The following MCL1 variants were observed in gnomAD, a reference collection of about 807,000 sequenced individuals.
MCL1 encodes MCL1 apoptosis regulator, BCL2 family member.
In MCL1, 4 loss-of-function variants were observed where a neutral mutation model predicts 24.2. The ratio of observed to expected loss-of-function variants is 0.17; its 90% CI spans 0.08 to 0.38. MCL1 has a LOEUF of 0.38. Ranked by LOEUF, MCL1 falls within the 10% of genes least tolerant of loss-of-function variation. MCL1 has a pLI of 1.00. For synonymous variants in MCL1, 248 were observed against 214.0 expected, an observed-to-expected ratio of 1.16 and a Z score of -1.39; for missense variants, 529 against 480.3, an observed-to-expected ratio of 1.10 and a Z score of -0.95.
rs1647919549 is a variant in MCL1 at position 150,578,599 on chromosome 1, C to CT, written c.689-109_689-108insA. Reference sequence around the variant, plus strand: ...AATCGCTACTGGGATTTACAGAACTCAGGTTGACCCCACTTGAAATTGACA... The same window carrying CT: ...AATCGCTACTGGGATTTACAGAACTCTAGGTTGACCCCACTTGAAATTGACA... On this transcript the variant is annotated intron_variant, in intron 1 of 2. Transcript: ENST00000369026. The CT allele has an allele frequency of 8.7e-6, 12 of 1,371,450 alleles. No individual in the cohort carries two copies. In the South Asian group the frequency reaches 1.3e-4, roughly 15 times the overall value. The allele number at this position is 1,371,450 out of a possible 1,614,324, so 85.0% of individuals were successfully genotyped here. A position where few individuals can be genotyped will look rare whatever the true frequency, so the allele number is the denominator to read the frequency against.
Position 150,579,336 on chromosome 1 carries a change from G to T in MCL1, c.195C>A (p.Pro65=). ...GGGAGTCTGGCGTGAGGGTGGACGG[G>T]GGGCTTGCGCCGGCGCTTCCGCCAA... The part of the protein sequence containing the change: ...AVIGGSAGAS[P]PSTLTPDSRR... The change falls in exon 1 of 3, where the codon CCC becomes CCA. Residue 65 remains proline (P), a synonymous_variant. Transcript: ENST00000369026. The T allele has an allele frequency of 1.4e-6, 2 of 1,472,148 alleles. No individual in the cohort carries two copies. The highest frequency in any genetic ancestry group is 1.9e-4 in the Middle Eastern group (1 of 5,130). 91.2% of individuals were successfully genotyped at this position (1,472,148 alleles called of 1,614,324 possible).
At chr1:150,578,592 C>CA in intron 1 of MCL1, 101 bp from the exon 2 acceptor site, 1 of 1,458,238 alleles carries the variant, frequency 6.9e-7, no homozygotes, top group Non-Finnish European at 9.4e-7. Context: ...CTGGGATTTA[C>CA]AGAACTCAGG....
chr1:150,577,231 G>C lies in MCL1; in HGVS notation c.*144C>G. 2.0e-6 allele frequency: 2 copies of C among 991,732 alleles called. No individual in the cohort carries two copies. Among genetic ancestry groups the C allele is most frequent in the Non-Finnish European group, 3.0e-6 (2 of 672,948 alleles). The allele number at this position is 991,732 out of a possible 1,614,324, so 61.4% of individuals were successfully genotyped here. A position where few individuals can be genotyped will look rare whatever the true frequency, so the allele number is the denominator to read the frequency against. On this transcript the variant is annotated 3_prime_UTR_variant, in exon 3 of 3. Coordinates refer to ENST00000369026, the MANE Select transcript of MCL1 (RefSeq NM_021960.5). ...TCTTCCCATGTATTTATTCTTGTTA[G>C]CCATAATCCTCTTGCCACTTGCTTT...
rs1257160042 is a variant in MCL1 at position 150,576,225 on chromosome 1, A to G, written c.*1150T>C. Reference sequence around the variant, plus strand: ...AGATGAGCCCATGAATTCACTTTAAATTTCACCAGTTAAATTAGGTCAAAT... The same window carrying G: ...AGATGAGCCCATGAATTCACTTTAAGTTTCACCAGTTAAATTAGGTCAAAT... On this transcript the variant is annotated 3_prime_UTR_variant, in exon 3 of 3. Transcript: ENST00000369026. The G allele has an allele frequency of 4.3e-6, 1 of 233,060 alleles. No homozygotes were observed. Among genetic ancestry groups the G allele is most frequent in the African/African-American group, 2.2e-5 (1 of 45,334 alleles). The allele number at this position is 233,060 out of a possible 1,614,324, so 14.4% of individuals were successfully genotyped here.
intron 1 of MCL1, 49 bp downstream of exon 1, chr1:150,578,794 G>A (rs776281131): frequency 3.2e-6 from 5 of 1,564,466 alleles, no homozygotes; most frequent in South Asian, 2.4e-5. Context: ...AGTCCGGGGA[G>A]AGATGGAAAA....
Position 150,575,097 on chromosome 1 carries a change from T to A in MCL1, c.*2278A>T, listed in dbSNP as rs1647733997. On this transcript the variant is annotated 3_prime_UTR_variant, in exon 3 of 3. Transcript: ENST00000369026. Reference sequence around the variant, plus strand: ...TTCCACTGGATTTGGCAGACAGGCTTTTTTAGTTACCGTAACCAGATCTTA... The same window carrying A: ...TTCCACTGGATTTGGCAGACAGGCTATTTTAGTTACCGTAACCAGATCTTA... 4.3e-6 allele frequency: 1 copy of A among 233,362 alleles called. No homozygotes were observed. The highest frequency in any genetic ancestry group is 2.2e-5 in the African/African-American group (1 of 45,318). The allele number at this position is 233,362 out of a possible 1,614,324, so 14.5% of individuals were successfully genotyped here. A position where few individuals can be genotyped will look rare whatever the true frequency, so the allele number is the denominator to read the frequency against.
chr1:150,574,682 C>T lies in MCL1; in HGVS notation c.*2693G>A. ...CTTCCTGGCACAGCTATCAAAAGTA[C>T]AGCTGTTTAACCAGAACCAAGGTGT... On this transcript the variant is annotated 3_prime_UTR_variant, in exon 3 of 3. Coordinates refer to ENST00000369026, the MANE Select transcript of MCL1 (RefSeq NM_021960.5). 1 of 233,146 alleles carries T rather than the reference C, an allele frequency of 4.3e-6. No individual in the cohort carries two copies. The highest frequency in any genetic ancestry group is 6.1e-5 in the East Asian group (1 of 16,516). 14.4% of individuals were successfully genotyped at this position (233,146 alleles called of 1,614,324 possible).
chr1:150,575,459 A>G lies in MCL1; in HGVS notation c.*1916T>C, dbSNP rs924604969. ...CAGCTCACCTCTTTCTGTAAATTTAAGTGAGCATACTCCTATACAAAGGAA... is the reference window on the plus strand; with the variant it reads ...CAGCTCACCTCTTTCTGTAAATTTAGGTGAGCATACTCCTATACAAAGGAA... On this transcript the variant is annotated 3_prime_UTR_variant, in exon 3 of 3. Coordinates refer to ENST00000369026, the MANE Select transcript of MCL1 (RefSeq NM_021960.5). The G allele has an allele frequency of 4.3e-6, 1 of 232,980 alleles. No homozygotes were observed. The highest frequency in any genetic ancestry group is 6.0e-5 in the East Asian group (1 of 16,532). 14.4% of individuals were successfully genotyped at this position (232,980 alleles called of 1,614,324 possible). A position where few individuals can be genotyped will look rare whatever the true frequency, so the allele number is the denominator to read the frequency against.
chr1:150,576,638 C>A lies in MCL1; in HGVS notation c.*737G>T, dbSNP rs910927699. The A allele has an allele frequency of 4.3e-6, 1 of 232,284 alleles. No individual in the cohort carries two copies. Among genetic ancestry groups the A allele is most frequent in the Non-Finnish European group, 8.5e-6 (1 of 117,292 alleles). 14.4% of individuals were successfully genotyped at this position (232,284 alleles called of 1,614,324 possible). A position where few individuals can be genotyped will look rare whatever the true frequency, so the allele number is the denominator to read the frequency against. On this transcript the variant is annotated 3_prime_UTR_variant, in exon 3 of 3. Transcript: ENST00000369026. ...GAAAAAAACTAATGTAAATTCGATA[C>A]TTCCTTCGTTTCAAAGAAATAGACT...
rs751406920 is a variant in MCL1 at position 150,579,135 on chromosome 1, C to T, written c.396G>A (p.Glu132=). ...GGACAGCCGGCCGCTTCCCGAGAGGCTCCGGCTCGTACCCGTCCAGCTCCT... is the reference window on the plus strand; with the variant it reads ...GGACAGCCGGCCGCTTCCCGAGAGGTTCCGGCTCGTACCCGTCCAGCTCCT... ...PEEELDGYEP[E]PLGKRPAVLP... Residue 132 remains glutamate, a synonymous_variant, in exon 1 of 3, where the codon GAG becomes GAA. Transcript: ENST00000369026. 1.2e-6 allele frequency: 2 copies of T among 1,612,508 alleles called. No homozygotes were observed. Among genetic ancestry groups the T allele is most frequent in the Non-Finnish European group, 1.7e-6 (2 of 1,180,018 alleles).
At position 150,576,677 on chromosome 1, in the gene MCL1, T is replaced by C. The variant is rs773958859; in HGVS notation, c.*698A>G. On this transcript the variant is annotated 3_prime_UTR_variant, in exon 3 of 3. Transcript: ENST00000369026. ...AAGAAATAGACTTTCTGTAAAAATA[T>C]ATACAATTTTTACAAATACATTTAC... The C allele has an allele frequency of 3.9e-5, 9 of 232,280 alleles. No homozygotes were observed. Among genetic ancestry groups the C allele is most frequent in the African/African-American group, 8.8e-5 (4 of 45,308 alleles). 14.4% of individuals were successfully genotyped at this position (232,280 alleles called of 1,614,324 possible). A position where few individuals can be genotyped will look rare whatever the true frequency, so the allele number is the denominator to read the frequency against.
At position 150,575,945 on chromosome 1, in the gene MCL1, G is replaced by A. The variant is rs1241788936; in HGVS notation, c.*1430C>T. 4.3e-6 allele frequency: 1 copy of A among 233,558 alleles called. No individual in the cohort carries two copies. Among genetic ancestry groups the A allele is most frequent in the African/African-American group, 2.2e-5 (1 of 45,338 alleles). The allele number at this position is 233,558 out of a possible 1,614,324, so 14.5% of individuals were successfully genotyped here. A position where few individuals can be genotyped will look rare whatever the true frequency, so the allele number is the denominator to read the frequency against. On this transcript the variant is annotated 3_prime_UTR_variant, in exon 3 of 3. Coordinates refer to ENST00000369026, the MANE Select transcript of MCL1 (RefSeq NM_021960.5). ...ATGCCAATGCAAAAACTTGCAACAA[G>A]GTTTGGGAATCATTAATAGAAACAA...
chr1:150,578,835 C>G lies in MCL1; in HGVS notation c.688+8G>C, dbSNP rs755789970. The G allele has an allele frequency of 9.7e-5, 156 of 1,606,282 alleles. No homozygotes were observed. Among genetic ancestry groups the G allele is most frequent in the Non-Finnish European group, 1.3e-4 (150 of 1,174,854 alleles). On this transcript the variant is annotated splice_region_variant and intron_variant, in intron 1 of 2. Transcript: ENST00000369026. ...AGTGAGGCCTTGGCGATTAATGAAC[C>G]CCCTTACCTTGGAAGGCCGTCTCGT...
rs1404685568 is a variant in MCL1, at chr1:150,579,303, G to C, written c.228C>G (p.Val76=). The C allele has an allele frequency of 6.8e-7, 1 of 1,478,658 alleles. No homozygotes were observed. Among genetic ancestry groups the C allele is most frequent in the East Asian group, 2.5e-5 (1 of 40,794 alleles). 91.6% of individuals were successfully genotyped at this position (1,478,658 alleles called of 1,614,324 possible). A position where few individuals can be genotyped will look rare whatever the true frequency, so the allele number is the denominator to read the frequency against. The change falls in exon 1 of 3, where the codon GTC becomes GTG. Residue 76 remains valine (V), a synonymous_variant. Transcript: ENST00000369026. ...PSTLTPDSRR[V]ARPPPIGAEV... ...CGGCGCCAATGGGCGGCGGCCGCGC[G>C]ACCCTCCGGGAGTCTGGCGTGAGGG...
chr1:150,576,823 A>C lies in MCL1; in HGVS notation c.*552T>G, dbSNP rs587651106. 1.3e-5 allele frequency: 3 copies of C among 233,060 alleles called. No individual in the cohort carries two copies. In the East Asian group the frequency reaches 1.8e-4, roughly 14 times the overall value. 14.4% of individuals were successfully genotyped at this position (233,060 alleles called of 1,614,324 possible). ...AATCATGGAAACCAAGCCAAAGTAT[A>C]ACAGGTATAAAAGTCCTGAACACTT... On this transcript the variant is annotated 3_prime_UTR_variant, in exon 3 of 3. Coordinates refer to ENST00000369026, the MANE Select transcript of MCL1 (RefSeq NM_021960.5).
chr1:150,578,862 G>A lies in MCL1; in HGVS notation c.669C>T (p.Asn223=). Residue 223 remains asparagine, a synonymous_variant, in exon 1 of 3, where the codon AAC becomes AAT. Transcript: ENST00000369026. ...CCTTACCTTGGAAGGCCGTCTCGTG[G>A]TTGCGCTGCACGCCATCCCCAACCC... ...LRRVGDGVQR[N]HETAFQGMLR... 1 of 1,612,686 alleles carries A rather than the reference G, an allele frequency of 6.2e-7. No individual in the cohort carries two copies. The highest frequency in any genetic ancestry group is 1.3e-5 in the African/African-American group (1 of 75,040).
At chr1:150,578,176 C>T (rs1176683059) in intron 2 of MCL1, 68 bp downstream of exon 2, 185 of 1,543,082 alleles carry the variant, frequency 1.2e-4, no homozygotes, top group Non-Finnish European at 1.6e-4. Context: ...GATATCCCCA[C>T]CTCTCTAAAA....
rs1006270309 is a variant in MCL1, at chr1:150,576,705, G to C, written c.*670C>G. ...ACAATTTTTACAAATACATTTACAA[G>C]CTGTCTTAAGAATTGAGGATATCCA... On this transcript the variant is annotated 3_prime_UTR_variant, in exon 3 of 3. Coordinates refer to ENST00000369026, the MANE Select transcript of MCL1 (RefSeq NM_021960.5). 8.6e-6 allele frequency: 2 copies of C among 232,096 alleles called. No individual in the cohort carries two copies. Among genetic ancestry groups the C allele is most frequent in the African/African-American group, 4.4e-5 (2 of 45,274 alleles). The allele number at this position is 232,096 out of a possible 1,614,324, so 14.4% of individuals were successfully genotyped here.
chr1:150,578,116 T>C lies in MCL1; in HGVS notation c.936+128A>G, dbSNP rs933838634. 1.3e-5 allele frequency: 13 copies of C among 989,168 alleles called. No individual in the cohort carries two copies. The Admixed American group carries it at 2.3e-4, about 18-fold the overall frequency. 61.3% of individuals were successfully genotyped at this position (989,168 alleles called of 1,614,324 possible). On this transcript the variant is annotated intron_variant, in intron 2 of 2. Transcript: ENST00000369026. ...ACTTAAATCAACATCAAATAAACAA[T>C]GGTCCTTTAGTTAGAGCCTGCAAAC...
Sources: gnomAD v4.1 joint callset for allele counts on GRCh38, gnomAD v4.1.1 for gene constraint, MANE v1.5 for transcripts, NCBI Gene and HGNC (gene_info 2026-07-23, HGNC 2026-07-21) for gene names.